ST18: variants seen among roughly 807,000 people sequenced by gnomAD.
The protein encoded by ST18 is suppression of tumorigenicity 18 protein.
A neutral mutation model predicts 110.0 loss-of-function variants in ST18; 50 were observed. The observed-to-expected ratio is 0.45, with a 90% confidence interval of 0.36 to 0.58. The LOEUF is 0.58. Among genes scored for constraint, ST18 ranks in the 20% least tolerant of loss-of-function variants. The probability of loss-of-function intolerance (pLI) is 0.00; values close to 1 mark genes in which losing one functional copy is unlikely to be tolerated. For missense variants in ST18, 1,306 were observed against 1,280.1 expected (o/e 1.02, Z -0.31); for synonymous variants, 461 against 452.4 (o/e 1.02, Z -0.24).
chr8:52,328,853 G>A (rs948276173), intron 2 of ST18, among the ~76,000 whole-genome samples: 1 of 152,136 alleles, frequency 6.6e-6, no homozygotes, highest in African/African-American at 2.4e-5. Context: ...TGATAAACGG[G>A]AAGTTTCTGT....
Position 52,149,748 on chromosome 8 carries a change from G to C in ST18, c.2036C>G (p.Thr679Arg). The C allele has an allele frequency of 1.9e-6, 3 of 1,613,994 alleles. No homozygotes were observed. Among genetic ancestry groups the C allele is most frequent in the Non-Finnish European group, 2.5e-6 (3 of 1,179,958 alleles). Reference sequence around the variant, plus strand: ...AAACAATACCTCTTTCTCCTCCTCTGTCTTCCCGTGAGTTTTGCTATAGTT... The same window carrying C: ...AAACAATACCTCTTTCTCCTCCTCTCTCTTCCCGTGAGTTTTGCTATAGTT... ...PINYSKTHGK[T>R]EEEKEKDPVS... Residue 679 changes from threonine to arginine, a missense_variant, in exon 16 of 26, where the codon ACA becomes AGA. Transcript: ENST00000689386.
rs2041131390 is a variant in ST18 at position 52,113,366 on chromosome 8, A to C, written c.3004-28T>G. The C allele has an allele frequency of 1.9e-6, 3 of 1,611,444 alleles. No individual in the cohort carries two copies. The African/African-American group carries it at 4.0e-5, about 21-fold the overall frequency. ...AAATGGAGACAAAACACATTGACCC[A>C]ATCACAGTGGTTCAGGCTGAGGGAA... On this transcript the variant is annotated intron_variant, in intron 25 of 25. Transcript: ENST00000689386.
intron 15 of ST18, among the ~76,000 whole-genome samples, chr8:52,151,219 G>A (rs3849813): frequency 0.054 from 8,075 of 150,826 alleles, 321 homozygotes; most frequent in African/African-American, 0.099. Context: ...CCAAACAGGC[G>A]CCACTGGGCT....
In ST18 at chr8:52,367,234, T is replaced by TCACACACACACACACACACACACACA. The variant is rs1491543543; in HGVS notation, c.-465+42093_-465+42094insTGTGTGTGTGTGTGTGTGTGTGTGTG. Among the ~76,000 whole-genome samples, 156 of 104,514 alleles carry TCACACACACACACACACACACACACA rather than the reference T, an allele frequency of 1.5e-3. 5 individuals are homozygous for TCACACACACACACACACACACACACA. Among genetic ancestry groups the TCACACACACACACACACACACACACA allele is most frequent in the Non-Finnish European group, 2.4e-3 (123 of 52,106 alleles). The allele number at this position is 104,514 out of a possible 152,430, so 68.6% of individuals were successfully genotyped here. A position where few individuals can be genotyped will look rare whatever the true frequency, so the allele number is the denominator to read the frequency against. Reference sequence around the variant, plus strand: ...GCCTGGGTGACAGAGCGGGACCCTGTCTCACACACACACACACACACACAC... The same window carrying TCACACACACACACACACACACACACA: ...GCCTGGGTGACAGAGCGGGACCCTGTCACACACACACACACACACACACACACTCACACACACACACACACACACAC... On this transcript the variant is annotated intron_variant, in intron 2 of 25. Coordinates refer to ENST00000689386, the MANE Select transcript of ST18 (RefSeq NM_001352837.2).
chr8:52,395,902 T>G (rs941800446), intron 2 of ST18, among the ~76,000 whole-genome samples: 3 of 152,192 alleles, frequency 2.0e-5, no homozygotes, highest in African/African-American at 7.2e-5. Flanking sequence ...TTACTAAAAA[T>G]GATATGTTTA....
intron 2 of ST18, among the ~76,000 whole-genome samples, chr8:52,359,529 T>G (rs1824742600): frequency 6.6e-6 from 1 of 152,158 alleles, no homozygotes; most frequent in Admixed American, 6.5e-5. Flanking sequence ...CCAGGCACTA[T>G]TCTAAGCACT....
rs766296777 is a variant in ST18, at chr8:52,116,389, C to G, written c.2889G>C (p.Thr963=). 6.2e-7 allele frequency: 1 copy of G among 1,613,730 alleles called. No homozygotes were observed. The highest frequency in any genetic ancestry group is 1.3e-5 in the African/African-American group (1 of 74,886). Reference sequence around the variant, plus strand: ...CTATGAGTTTGTTCTCCTCCTCTATCGTCTTTAAGTTGCTCTCCATAGATG... The same window carrying G: ...CTATGAGTTTGTTCTCCTCCTCTATGGTCTTTAAGTTGCTCTCCATAGATG... ...QITSMESNLK[T]IEEENKLIEQ... The change falls in exon 25 of 26, where the codon ACG becomes ACC. Residue 963 remains threonine, a synonymous_variant. Coordinates refer to ENST00000689386, the MANE Select transcript of ST18 (RefSeq NM_001352837.2).
At chr8:52,299,401 C>T (rs896705674) in intron 2 of ST18, among the ~76,000 whole-genome samples, 1 of 152,076 alleles carries the variant, frequency 6.6e-6, no homozygotes, top group Non-Finnish European at 1.5e-5. Flanking sequence ...CTAGTTGTTT[C>T]ATTGTGTTCT....
At chr8:52,196,114 G>A (rs1043318506) in intron 8 of ST18, among the ~76,000 whole-genome samples, 1 of 152,050 alleles carries the variant, frequency 6.6e-6, no homozygotes, top group African/African-American at 2.4e-5. Context: ...AAAATGACTT[G>A]GGTGCTGCTT....
chr8:52,212,090 G>A lies in ST18; in HGVS notation c.75C>T (p.Ile25=). ...AGGGTAAATCTTACCTGAGCTCCTGGATTAGTGAATCCATTGGCACTGTTG... is the reference window on the plus strand; with the variant it reads ...AGGGTAAATCTTACCTGAGCTCCTGAATTAGTGAATCCATTGGCACTGTTG... ...KGTEVPMDSL[I]QELSVAYDCS... is the part of the protein sequence containing the mutation. Residue 25 remains isoleucine, a synonymous_variant, in exon 8 of 26, where the codon ATC becomes ATT. Transcript: ENST00000689386. 1 of 1,605,112 alleles carries A rather than the reference G, an allele frequency of 6.2e-7. No homozygotes were observed. The highest frequency in any genetic ancestry group is 8.5e-7 in the Non-Finnish European group (1 of 1,178,058).
At chr8:52,210,400 C>G (rs1027532685) in intron 8 of ST18, among the ~76,000 whole-genome samples, 3 of 152,136 alleles carry the variant, frequency 2.0e-5, no homozygotes, top group African/African-American at 7.2e-5. Context: ...GTGGCTCACT[C>G]CTGTTAATCC....
chr8:52,309,230 A>G (rs2095861385), intron 2 of ST18, among the ~76,000 whole-genome samples: 1 of 152,200 alleles, frequency 6.6e-6, no homozygotes, highest in African/African-American at 2.4e-5. Context: ...CTAGAAATCA[A>G]GCGGCATAGG....
intron 16 of ST18, among the ~76,000 whole-genome samples, chr8:52,143,767 C>CA (rs969314851): frequency 6.6e-6 from 1 of 152,032 alleles, no homozygotes; most frequent in African/African-American, 2.4e-5. Flanking sequence ...AGAAATATTG[C>CA]AAAAATGAAT....
At chr8:52,190,900 G>A (rs2074261978) in intron 8 of ST18, among the ~76,000 whole-genome samples, 1 of 152,220 alleles carries the variant, frequency 6.6e-6, no homozygotes. Flanking sequence ...TATCGGTGAA[G>A]TGCTTAGGGG....
chr8:52,352,901 A>AC (rs1821039817), intron 2 of ST18, among the ~76,000 whole-genome samples: 1 of 152,226 alleles, frequency 6.6e-6, no homozygotes, highest in Non-Finnish European at 1.5e-5. Flanking sequence ...GAGTTAGGTG[A>AC]CCAATATTCA....
chr8:52,269,144 T>C (rs867121397), intron 2 of ST18, among the ~76,000 whole-genome samples: 17 of 152,356 alleles, frequency 1.1e-4, no homozygotes, highest in Middle Eastern at 6.8e-3. Flanking sequence ...ATCAAAGATG[T>C]AGGCCAATGC....
rs1052847688 is a variant in ST18 at position 52,307,668 on chromosome 8, C to T, written c.-464-77591G>A. 7.2e-5 allele frequency among the ~76,000 whole-genome samples: 11 copies of T among 152,226 alleles called. 1 individual carries two copies. The highest frequency in any genetic ancestry group is 5.8e-4 in the East Asian group (3 of 5,178). ...AATCCCTGTCAAGATTTTGACATAG[C>T]CCTTTTATTTCTTATGTATGAATGT... On this transcript the variant is annotated intron_variant, in intron 2 of 25. Coordinates refer to ENST00000689386, the MANE Select transcript of ST18 (RefSeq NM_001352837.2).
intron 2 of ST18, among the ~76,000 whole-genome samples, chr8:52,280,728 T>C (rs2095360118): frequency 6.6e-6 from 1 of 152,022 alleles, no homozygotes; most frequent in South Asian, 2.1e-4. Flanking sequence ...TCTTAAAACA[T>C]GTAAAGCAAA....
At chr8:52,234,580 C>A (rs765577581) in intron 2 of ST18, among the ~76,000 whole-genome samples, 1 of 152,108 alleles carries the variant, frequency 6.6e-6, no homozygotes, top group African/African-American at 2.4e-5. Context: ...ACAGCAACCC[C>A]ACTACTGGGT....
Sources: allele counts gnomAD v4.1 joint callset (sites outside exome capture counted in the v4.1 genomes callset), GRCh38; gene constraint gnomAD v4.1.1; transcripts MANE v1.5; gene names NCBI Gene and HGNC (gene_info 2026-07-23, HGNC 2026-07-21).